Variants in INPP4B observed in about 807,000 individuals in gnomAD.
INPP4B encodes the protein inositol polyphosphate-4-phosphatase type II B.
In INPP4B, 55 loss-of-function variants were observed where a neutral mutation model predicts 122.5. The ratio of observed to expected loss-of-function variants is 0.45; its 90% CI spans 0.36 to 0.56. INPP4B has a LOEUF of 0.56. Among genes scored for constraint, INPP4B ranks in the 20% least tolerant of loss-of-function variants. The pLI is 0.00. For synonymous variants in INPP4B, 403 were observed against 388.7 expected (o/e 1.04, Z -0.43); for missense variants, 1,000 against 1,097.7 (o/e 0.91, Z 1.26).
chr4:142,579,186 G>A lies in INPP4B; in HGVS notation c.-190-116460C>T, dbSNP rs527588150. On this transcript the variant is annotated intron_variant, in intron 2 of 25. Coordinates refer to ENST00000262992, the MANE Select transcript of INPP4B (RefSeq NM_001101669.3). ...TAGGGAGGGAAGCAAGTGTTAAATA[G>A]GTAAACAAATAAATGCATATCTCAT... 6.6e-5 allele frequency among the ~76,000 whole-genome samples: 10 copies of A among 152,062 alleles called. 1 individual carries two copies. The South Asian group carries it at 2.1e-3, about 32-fold the overall frequency.
chr4:142,283,653 AC>A (rs1022903157), intron 9 of INPP4B, among the ~76,000 whole-genome samples: 4 of 152,172 alleles, frequency 2.6e-5, no homozygotes, highest in Admixed American at 6.5e-5. Flanking sequence ...GTACTTGTGT[AC>A]CTAAACATGG....
At chr4:142,253,825 A>G (rs534735136) in intron 11 of INPP4B, among the ~76,000 whole-genome samples, 114 of 152,310 alleles carry the variant, frequency 7.5e-4, no homozygotes, top group African/African-American at 2.5e-3. Flanking sequence ...CAAAGCAGCC[A>G]GGAAGCTCGA....
intron 2 of INPP4B, among the ~76,000 whole-genome samples, chr4:142,612,272 T>C (rs1318202553): frequency 6.6e-6 from 1 of 152,230 alleles, no homozygotes; most frequent in Non-Finnish European, 1.5e-5. Context: ...ATGATTCATT[T>C]GTATGCAGAA....
In INPP4B at chr4:142,604,206, C is replaced by G. The variant is rs143945376; in HGVS notation, c.-191+121633G>C. The stretch of plus-strand genomic sequence containing the variant: ...TTCATGATAAAAACTTCTCAACAAA[C>G]TAGGTATAGATGAACCATAGTTTCA... On this transcript the variant is annotated intron_variant, in intron 2 of 25. Transcript: ENST00000262992. 2.7e-3 allele frequency among the ~76,000 whole-genome samples: 405 copies of G among 152,152 alleles called. 6 individuals carry two copies. The highest frequency in any genetic ancestry group is 0.018 in the East Asian group (95 of 5,182).
chr4:142,705,574 T>C (rs1305559285), intron 2 of INPP4B, among the ~76,000 whole-genome samples: 2 of 152,060 alleles, frequency 1.3e-5, no homozygotes, highest in Admixed American at 6.6e-5. Context: ...CGATCATATA[T>C]TGCTTCTGGG....
At chr4:142,119,849 G>T (rs540006983) in intron 21 of INPP4B, among the ~76,000 whole-genome samples, 2 of 147,212 alleles carry the variant, frequency 1.4e-5, no homozygotes, top group South Asian at 2.1e-4. Flanking sequence ...ACATATATAC[G>T]TATATATGAG....
At chr4:142,047,799 ATC>A (rs139032971) in intron 25 of INPP4B, among the ~76,000 whole-genome samples, 2 of 151,982 alleles carry the variant, frequency 1.3e-5, no homozygotes, top group Non-Finnish European at 2.9e-5. Flanking sequence ...TGAAACAAAA[ATC>A]TCTCTATTTC....
At chr4:142,466,722 T>C (rs1287309054) in intron 2 of INPP4B, among the ~76,000 whole-genome samples, 1 of 152,100 alleles carries the variant, frequency 6.6e-6, no homozygotes, top group Non-Finnish European at 1.5e-5. Flanking sequence ...ATTTTAGAAG[T>C]CTTCAAGGAA....
intron 2 of INPP4B, chr4:142,474,264 G>C (rs546374677): frequency 8.5e-5 from 13 of 152,300 alleles, no homozygotes; most frequent in African/African-American, 2.9e-4. Flanking sequence ...TCTTCTGTCT[G>C]AACTCAGCCA....
chr4:142,102,750 G>A (rs1785102637), intron 23 of INPP4B, among the ~76,000 whole-genome samples: 1 of 151,966 alleles, frequency 6.6e-6, no homozygotes. Flanking sequence ...GTCCTCTTCT[G>A]TCTTACGACT....
chr4:142,180,795 T>A lies in INPP4B; in HGVS notation c.1182-6986A>T, dbSNP rs1335011386. On this transcript the variant is annotated intron_variant, in intron 15 of 25. Transcript: ENST00000262992. Reference sequence around the variant, plus strand: ...CTATAACTAATATGGGAAACATTTTTAATTGAATAAGTATTGCTTATAAAT... The same window carrying A: ...CTATAACTAATATGGGAAACATTTTAAATTGAATAAGTATTGCTTATAAAT... 2.0e-5 allele frequency among the ~76,000 whole-genome samples: 3 copies of A among 152,322 alleles called. No individual in the cohort carries two copies. The East Asian group carries it at 5.8e-4, about 29-fold the overall frequency.
At chr4:142,771,243 A>G (rs1773019394) in intron 1 of INPP4B, among the ~76,000 whole-genome samples, 1 of 152,166 alleles carries the variant, frequency 6.6e-6, no homozygotes, top group Non-Finnish European at 1.5e-5. Context: ...AAGAGGAGAG[A>G]GACAAGCTAG....
chr4:142,635,360 A>T (rs1748900571), intron 2 of INPP4B, among the ~76,000 whole-genome samples: 1 of 152,190 alleles, frequency 6.6e-6, no homozygotes, highest in South Asian at 2.1e-4. Context: ...ATTACTGGGT[A>T]TATACCTGAA....
chr4:142,436,534 G>A (rs1319076425), intron 3 of INPP4B, among the ~76,000 whole-genome samples: 5 of 152,156 alleles, frequency 3.3e-5, no homozygotes, highest in African/African-American at 1.2e-4. Context: ...TGAGGTCTGA[G>A]ATACCAGAGG....
chr4:142,407,035 G>C (rs1412887027), intron 5 of INPP4B, among the ~76,000 whole-genome samples: 1 of 152,124 alleles, frequency 6.6e-6, no homozygotes, highest in Non-Finnish European at 1.5e-5. Context: ...AAGAGACTTA[G>C]AGTTTTAAAA....
chr4:142,612,703 C>T (rs1162136248), intron 2 of INPP4B, among the ~76,000 whole-genome samples: 1 of 152,140 alleles, frequency 6.6e-6, no homozygotes, highest in Non-Finnish European at 1.5e-5. Flanking sequence ...CTCCCTGGGG[C>T]CTTTTTTATG....
At chr4:142,589,182 G>A (rs1294468665) in intron 2 of INPP4B, among the ~76,000 whole-genome samples, 1 of 151,918 alleles carries the variant, frequency 6.6e-6, no homozygotes, top group East Asian at 1.9e-4. Context: ...ATAACAAAAA[G>A]AAACATAGAC....
At position 142,443,142 on chromosome 4, in the gene INPP4B, T is replaced by C. The variant is rs563287320; in HGVS notation, c.-126-11757A>G. ...CCATATCAGACCTCAAAAAACCTGG[T>C]AATAAGAATTCAGCCAAAATATATA... is the stretch of plus-strand genomic sequence containing the variant. On this transcript the variant is annotated intron_variant, in intron 3 of 25. Transcript: ENST00000262992. Among the ~76,000 whole-genome samples, 8 of 152,246 alleles carry C rather than the reference T, an allele frequency of 5.3e-5. No homozygotes were observed. In the East Asian group the frequency reaches 1.5e-3, roughly 29 times the overall value.
At chr4:142,407,256 T>A (rs1473406696) in intron 5 of INPP4B, among the ~76,000 whole-genome samples, 1 of 152,238 alleles carries the variant, frequency 6.6e-6, no homozygotes, top group Non-Finnish European at 1.5e-5. Context: ...TTGACATATA[T>A]CTATCAGAAT....
Sources: allele counts gnomAD v4.1 joint callset (sites outside exome capture counted in the v4.1 genomes callset), GRCh38; gene constraint gnomAD v4.1.1; transcripts MANE v1.5; gene names NCBI Gene and HGNC (gene_info 2026-07-23, HGNC 2026-07-21).